Variants in ANKS1A observed in about 807,000 individuals in gnomAD.
ANKS1A encodes ankyrin repeat and sterile alpha motif domain containing 1A, also known as ankyrin repeat and SAM domain-containing protein 1A.
In ANKS1A, 55 loss-of-function variants were observed where a neutral mutation model predicts 120.3. That is an observed-to-expected ratio of 0.46 (90% confidence interval 0.37 to 0.57). The LOEUF (loss-of-function observed/expected upper bound fraction) is 0.57, where lower values mean the gene tolerates loss of function less well. Among genes scored for constraint, ANKS1A ranks in the 20% least tolerant of loss-of-function variants. ANKS1A has a pLI of 0.00. For missense variants in ANKS1A, 1,123 were observed against 1,480.3 expected, an observed-to-expected ratio of 0.76 and a Z score of 3.96; for synonymous variants, 590 against 604.7, an observed-to-expected ratio of 0.98 and a Z score of 0.36.
chr6:35,005,689 A>T, intron 10 of ANKS1A: 1 of 437,138 alleles, frequency 2.3e-6, no homozygotes, highest in South Asian at 1.7e-5. Flanking sequence ...ATGAATTTGT[A>T]TTTTTTTAAA....
intron 1 of ANKS1A, among the ~76,000 whole-genome samples, chr6:34,907,013 G>A (rs1187460289): frequency 6.6e-6 from 1 of 152,220 alleles, no homozygotes; most frequent in Admixed American, 6.5e-5. Context: ...GATGTGATGT[G>A]ATGAAAAGGA....
intron 3 of ANKS1A, among the ~76,000 whole-genome samples, chr6:34,973,786 G>A (rs1771301639): frequency 6.6e-6 from 1 of 152,152 alleles, no homozygotes; most frequent in South Asian, 2.1e-4. Context: ...TTGACCTTAG[G>A]TAGTGGAGCA....
Position 34,975,083 on chromosome 6 carries a change from G to A in ANKS1A, c.435+4917G>A, listed in dbSNP as rs145518563. 2.9e-3 allele frequency among the ~76,000 whole-genome samples: 445 copies of A among 152,270 alleles called. 1 individual carries two copies. The highest frequency in any genetic ancestry group is 9.7e-3 in the African/African-American group (403 of 41,550). On this transcript the variant is annotated intron_variant, in intron 3 of 23. Coordinates refer to ENST00000360359, the MANE Select transcript of ANKS1A (RefSeq NM_015245.3). ...ATAAAATAAAATTAGTTTAAATGTAGTAAGAACATACTTCTTTCTTTGGAA... is the reference window on the plus strand; with the variant it reads ...ATAAAATAAAATTAGTTTAAATGTAATAAGAACATACTTCTTTCTTTGGAA...
chr6:35,028,111 A>G (rs1215307677), intron 11 of ANKS1A, among the ~76,000 whole-genome samples: 1 of 152,186 alleles, frequency 6.6e-6, no homozygotes, highest in African/African-American at 2.4e-5. Context: ...ACTCAGCTGA[A>G]ATGTTGTGGT....
intron 1 of ANKS1A, among the ~76,000 whole-genome samples, chr6:34,891,184 T>G (rs1187374441): frequency 6.6e-6 from 1 of 152,146 alleles, no homozygotes; most frequent in African/African-American, 2.4e-5. Flanking sequence ...TGAGTTATGA[T>G]GGGCATGTTT....
intron 11 of ANKS1A, among the ~76,000 whole-genome samples, chr6:35,037,765 A>G (rs1183127606): frequency 1.3e-5 from 2 of 152,200 alleles, no homozygotes; most frequent in Non-Finnish European, 2.9e-5. Flanking sequence ...GGAAACTGGC[A>G]GATGGGAGGG....
At chr6:34,911,727 T>TA (rs1767915473) in intron 1 of ANKS1A, among the ~76,000 whole-genome samples, 1 of 152,226 alleles carries the variant, frequency 6.6e-6, no homozygotes, top group African/African-American at 2.4e-5. Flanking sequence ...AGCCAAAATT[T>TA]AGTCGTCTGC....
At chr6:34,897,669 A>G (rs1186480624) in intron 1 of ANKS1A, among the ~76,000 whole-genome samples, 1 of 152,192 alleles carries the variant, frequency 6.6e-6, no homozygotes, top group Non-Finnish European at 1.5e-5. Flanking sequence ...ATCTTCACAT[A>G]ACTTTGGTGT....
At position 34,889,255 on chromosome 6, in the gene ANKS1A, A is replaced by C; in HGVS notation, c.-148A>C. 2 of 1,096,526 alleles carry C rather than the reference A, an allele frequency of 1.8e-6. No individual in the cohort carries two copies. The highest frequency in any genetic ancestry group is 2.3e-6 in the Non-Finnish European group (2 of 870,602). The allele number at this position is 1,096,526 out of a possible 1,614,324, so 67.9% of individuals were successfully genotyped here. A position where few individuals can be genotyped will look rare whatever the true frequency, so the allele number is the denominator to read the frequency against. ...GTGACGCGTGACGCCGGATCCCGGA[A>C]GTGACGCGCTCGTGGGGAAAAGGCA... On this transcript the variant is annotated 5_prime_UTR_variant, in exon 1 of 24. Transcript: ENST00000360359. The surrounding 1 kb of genome is among the most constrained non-coding windows in gnomAD (Gnocchi z 5.5).
chr6:35,057,421 A>G lies in ANKS1A; in HGVS notation c.2078-2726A>G, dbSNP rs1036194322. ...ATGTTAGGTATTGAGTAGCTGGTCA[A>G]GCAGGATCCTTCTGGGGCCTGATGA... On this transcript the variant is annotated intron_variant, in intron 12 of 23. Coordinates refer to ENST00000360359, the MANE Select transcript of ANKS1A (RefSeq NM_015245.3). This position sits in a 1 kb window ranked among gnomAD's most constrained non-coding sequence, Gnocchi z 4.1. 2.6e-5 allele frequency among the ~76,000 whole-genome samples: 4 copies of G among 152,202 alleles called. No individual in the cohort carries two copies. Among genetic ancestry groups the G allele is most frequent in the African/African-American group, 9.6e-5 (4 of 41,460 alleles).
chr6:35,003,212 T>G (rs1008642863), intron 10 of ANKS1A, among the ~76,000 whole-genome samples: 3 of 152,138 alleles, frequency 2.0e-5, no homozygotes, highest in African/African-American at 7.2e-5. Flanking sequence ...GGCCTGCTAC[T>G]TAGGCACTAG....
At chr6:34,945,982 TA>T (rs1411772057) in intron 1 of ANKS1A, among the ~76,000 whole-genome samples, 12 of 146,228 alleles carry the variant, frequency 8.2e-5, no homozygotes, top group Non-Finnish European at 1.2e-4. Context: ...TATTTTTATT[TA>T]TTTTTTTTTT....
At chr6:35,018,085 A>T in intron 11 of ANKS1A, 26 bp downstream of exon 11, 2 of 1,602,196 alleles carry the variant, frequency 1.2e-6, no homozygotes, top group Non-Finnish European at 1.7e-6. Context: ...CGTCACAGGG[A>T]GCTGGGCTGG....
chr6:35,067,554 G>A (rs1776840802), intron 13 of ANKS1A, among the ~76,000 whole-genome samples: 1 of 152,170 alleles, frequency 6.6e-6, no homozygotes, highest in Admixed American at 6.5e-5. Context: ...GTCGCCACAG[G>A]TGTTGATAAA....
intron 10 of ANKS1A, among the ~76,000 whole-genome samples, chr6:34,999,995 A>G (rs1773074174): frequency 6.6e-6 from 1 of 152,176 alleles, no homozygotes; most frequent in African/African-American, 2.4e-5. Context: ...AGAGAAAGAA[A>G]TATACAAGTA....
At chr6:34,952,337 T>C (rs573440146) in intron 1 of ANKS1A, among the ~76,000 whole-genome samples, 98 of 152,318 alleles carry the variant, frequency 6.4e-4, no homozygotes, top group African/African-American at 2.3e-3. Context: ...AAAATGACCA[T>C]ATAATGTATT....
In ANKS1A at chr6:35,084,201, C is replaced by T. The variant is rs1225713443; in HGVS notation, c.3075C>T (p.Ile1025=). 6.2e-7 allele frequency: 1 copy of T among 1,614,226 alleles called. No homozygotes were observed. The highest frequency in any genetic ancestry group is 1.1e-5 in the South Asian group (1 of 91,082). ...AGGACCTCTGTACCTTTGCCTACAT[C>T]ACCAAGGACCTGCAGACCAGCCACC... ...DPEDLCTFAY[I]TKDLQTSHHY... Residue 1025 remains isoleucine, a synonymous_variant, in exon 21 of 24, where the codon ATC becomes ATT. Coordinates refer to ENST00000360359, the MANE Select transcript of ANKS1A (RefSeq NM_015245.3). The surrounding 1 kb of genome is among the most constrained non-coding windows in gnomAD (Gnocchi z 4.8).
chr6:35,077,411 A>G (rs1777424678), intron 13 of ANKS1A, among the ~76,000 whole-genome samples: 1 of 152,222 alleles, frequency 6.6e-6, no homozygotes, highest in South Asian at 2.1e-4. Flanking sequence ...TCTCCTGTGT[A>G]TATTCCGTGA....
intron 11 of ANKS1A, among the ~76,000 whole-genome samples, chr6:35,036,591 T>G (rs747720666): frequency 5.3e-5 from 8 of 152,372 alleles, no homozygotes; most frequent in Admixed American, 2.0e-4. Context: ...TTAACAGTTA[T>G]GTTAACTTTT....
Sources: gnomAD v4.1 joint callset for allele counts (sites outside exome capture counted in the v4.1 genomes callset) on GRCh38, gnomAD v4.1.1 for gene constraint, Gnocchi (gnomAD v3.1) non-coding constraint, MANE v1.5 for transcripts, NCBI Gene and HGNC (gene_info 2026-07-23, HGNC 2026-07-21) for gene names.